NUDT9: variants seen among roughly 807,000 people sequenced by gnomAD.
The protein encoded by NUDT9 is ADP-ribose pyrophosphatase.
A neutral mutation model predicts 41.0 loss-of-function variants in NUDT9; 31 were observed. That is an observed-to-expected ratio of 0.76 (90% CI 0.57 to 1.02). The LOEUF (loss-of-function observed/expected upper bound fraction) is 1.02, where lower values mean the gene tolerates loss of function less well. Among genes scored for constraint, NUDT9 ranks in the 50% least tolerant of loss-of-function variants. NUDT9 has a pLI of 0.00. For missense variants in NUDT9, 380 were observed against 431.4 expected (o/e 0.88, Z 1.06); for synonymous variants, 146 against 147.6 (o/e 0.99, Z 0.08).
chr4:87,424,217 C>T lies in NUDT9; in HGVS notation c.107+1205C>T, dbSNP rs551881672. On this transcript the variant is annotated intron_variant, in intron 1 of 7. Coordinates refer to ENST00000302174, the MANE Select transcript of NUDT9 (RefSeq NM_024047.5). ...GACTTCAAGCTTGAAACCTCTAGCT[C>T]GGCTCAGCTTGTAGGAATAGCATTT... Among the ~76,000 whole-genome samples the T allele has an allele frequency of 3.5e-4, 52 of 147,964 alleles. 1 individual carries two copies. The South Asian group carries it at 9.4e-3, about 27-fold the overall frequency.
Position 87,457,995 on chromosome 4 carries a change from T to G in NUDT9, c.1027T>G (p.Ser343Ala). 6.4e-7 allele frequency: 1 copy of G among 1,562,820 alleles called. No individual in the cohort carries two copies. Among genetic ancestry groups the G allele is most frequent in the Non-Finnish European group, 8.6e-7 (1 of 1,160,412 alleles). The change falls in exon 8 of 8, where the codon TCT becomes GCT. Residue 343 changes from serine (S) to alanine (A), a missense_variant. By Grantham distance (99) the Ser-to-Ala change is moderately conservative. Transcript: ENST00000302174. Reference protein sequence around the residue: ...EKRDAHWSEDSEADCHAL With the variant: ...EKRDAHWSEDAEADCHAL ...ACGAGATGCACACTGGAGCGAGGAC[T>G]CTGAAGCTGACTGCCATGCGTTGTA...
chr4:87,438,091 CT>C (rs1722034636), intron 2 of NUDT9, among the ~76,000 whole-genome samples, 185 bp from the exon 3 acceptor site: 2 of 145,736 alleles, frequency 1.4e-5, no homozygotes. Context: ...TTGGTTAAAA[CT>C]TTTTTTTGCC....
At chr4:87,430,073 A>G (rs1307067438) in intron 1 of NUDT9, among the ~76,000 whole-genome samples, 3 of 152,054 alleles carry the variant, frequency 2.0e-5, no homozygotes, top group Non-Finnish European at 2.9e-5. Flanking sequence ...CGCCTGATTT[A>G]ATTGAGAGTC....
At chr4:87,434,612 C>T (rs1182694294) in intron 1 of NUDT9, among the ~76,000 whole-genome samples, 19 of 149,750 alleles carry the variant, frequency 1.3e-4, no homozygotes, top group African/African-American at 4.4e-4. Flanking sequence ...GTTTTTGGGT[C>T]TTTGAATTAG....
rs2110152212 is a variant in NUDT9, at chr4:87,422,928, A to G, written c.23A>G (p.Lys8Arg). Residue 8 changes from lysine (K) to arginine (R), a missense_variant, in exon 1 of 8, where the codon AAG becomes AGG. Lys to Arg is a conservative substitution (Grantham distance 26). Coordinates refer to ENST00000302174, the MANE Select transcript of NUDT9 (RefSeq NM_024047.5). MAGRLLG[K>R]ALAAVSLSLA... is the part of the protein sequence containing the mutation. ...CTCATGGCGGGACGCCTCCTGGGAA[A>G]GGCTTTAGCCGCGGTGTCTCTCTCT... 1 of 1,611,790 alleles carries G rather than the reference A, an allele frequency of 6.2e-7. No homozygotes were observed. The highest frequency in any genetic ancestry group is 1.1e-5 in the South Asian group (1 of 90,946).
intron 1 of NUDT9, 122 bp from the exon 2 acceptor site, chr4:87,434,859 T>C (rs1288217997): frequency 7.8e-6 from 6 of 767,316 alleles, no homozygotes; most frequent in African/African-American, 5.3e-5. Flanking sequence ...CCTCAGGTGA[T>C]CCACCTACCT....
Position 87,458,204 on chromosome 4 carries a change from A to T in NUDT9, c.*183A>T. The T allele has an allele frequency of 2.3e-6, 1 of 436,796 alleles. No individual in the cohort carries two copies. The highest frequency in any genetic ancestry group is 3.9e-6 in the Non-Finnish European group (1 of 257,004). The allele number at this position is 436,796 out of a possible 1,614,324, so 27.1% of individuals were successfully genotyped here. On this transcript the variant is annotated 3_prime_UTR_variant, in exon 8 of 8. Transcript: ENST00000302174. ...TGAGTAAGATGAACTGGAACACAAA[A>T]TTTTCAGCTCTTTGGTCAAAAGGAA...
At chr4:87,450,930 T>C (rs544633758) in intron 5 of NUDT9, among the ~76,000 whole-genome samples, 2 of 152,356 alleles carry the variant, frequency 1.3e-5, no homozygotes, top group South Asian at 4.1e-4. Context: ...CCTCTGTCTT[T>C]TGGTGCTCCC....
intron 4 of NUDT9, among the ~76,000 whole-genome samples, chr4:87,443,991 A>G (rs2110178905): frequency 6.6e-6 from 1 of 152,276 alleles, no homozygotes; most frequent in South Asian, 2.1e-4. Flanking sequence ...CATGAATCAG[A>G]ATTAAGAAGG....
chr4:87,437,595 G>A (rs988824496), intron 2 of NUDT9, among the ~76,000 whole-genome samples: 3 of 151,942 alleles, frequency 2.0e-5, no homozygotes, highest in Non-Finnish European at 2.9e-5. Context: ...GCCCACCTTG[G>A]CCTCCCAAAG....
chr4:87,447,705 G>T lies in NUDT9; in HGVS notation c.531-1437G>T, dbSNP rs1266747418. 2.6e-5 allele frequency among the ~76,000 whole-genome samples: 4 copies of T among 152,204 alleles called. No individual in the cohort carries two copies. The South Asian group carries it at 6.2e-4, about 24-fold the overall frequency. ...TTCAATTTAAAATATAAAATAAAAG[G>T]ATAGAGTTTTTTTTGTTTATCAAAT... On this transcript the variant is annotated intron_variant, in intron 4 of 7. Coordinates refer to ENST00000302174, the MANE Select transcript of NUDT9 (RefSeq NM_024047.5).
In NUDT9 at chr4:87,448,436, G is replaced by A. The variant is rs552334959; in HGVS notation, c.531-706G>A. On this transcript the variant is annotated intron_variant, in intron 4 of 7. Transcript: ENST00000302174. The stretch of plus-strand genomic sequence containing the variant: ...TGGGATTTCAGGTGTGAGTCACCAC[G>A]CCTGGCCCAAAGCAAATCTTACCAT... Among the ~76,000 whole-genome samples the A allele has an allele frequency of 7.9e-5, 12 of 152,046 alleles. No individual in the cohort carries two copies. In the South Asian group the frequency reaches 1.5e-3, roughly 18 times the overall value.
rs368510686 is a variant in NUDT9 at position 87,422,880 on chromosome 4, A to C, written c.-26A>C. 1 of 1,594,446 alleles carries C rather than the reference A, an allele frequency of 6.3e-7. No individual in the cohort carries two copies. The highest frequency in any genetic ancestry group is 1.1e-5 in the South Asian group (1 of 90,564). On this transcript the variant is annotated 5_prime_UTR_variant, in exon 1 of 8. Coordinates refer to ENST00000302174, the MANE Select transcript of NUDT9 (RefSeq NM_024047.5). ...AGGCACCAACTAAGAGCGACCTAGC[A>C]TCGCAAAGCCGCCCTCGGGGCGCTC...
At chr4:87,436,017 GCT>G (rs35132503) in intron 2 of NUDT9, among the ~76,000 whole-genome samples, 1 of 151,478 alleles carries the variant, frequency 6.6e-6, no homozygotes, top group East Asian at 1.9e-4. Flanking sequence ...TGAGACTGGT[GCT>G]CTCTCTCTCT....
At chr4:87,434,607 T>G (rs1327213625) in intron 1 of NUDT9, among the ~76,000 whole-genome samples, 1 of 151,882 alleles carries the variant, frequency 6.6e-6, no homozygotes, top group African/African-American at 2.4e-5. Context: ...AGTATGTTTT[T>G]GGGTCTTTGA....
chr4:87,435,952 T>A (rs1721913069), intron 2 of NUDT9, among the ~76,000 whole-genome samples: 1 of 151,934 alleles, frequency 6.6e-6, no homozygotes, highest in Admixed American at 6.6e-5. Flanking sequence ...GTGAGAAGAG[T>A]TGAGATCCAC....
rs1721209004 is a variant in NUDT9 at position 87,422,952 on chromosome 4, C to G, written c.47C>G (p.Ser16Cys). Residue 16 changes from serine (S) to cysteine (C), a missense_variant, in exon 1 of 8, where the codon TCT becomes TGT. Transcript: ENST00000302174. ...AAGGCTTTAGCCGCGGTGTCTCTCT[C>G]TCTGGCCTTGGCCTCTGTGACTATC... ...LGKALAAVSL[S>C]LALASVTIRS... The G allele has an allele frequency of 1.2e-6, 2 of 1,613,176 alleles. No homozygotes were observed. Among genetic ancestry groups the G allele is most frequent in the Middle Eastern group, 1.7e-4 (1 of 6,056 alleles).
chr4:87,428,151 C>T lies in NUDT9; in HGVS notation c.107+5139C>T, dbSNP rs1426133592. On this transcript the variant is annotated intron_variant, in intron 1 of 7. Coordinates refer to ENST00000302174, the MANE Select transcript of NUDT9 (RefSeq NM_024047.5). ...AACTTCTTTATTAGTTAGGTTTTCCCTCATTTTTGGGTGTTTTACCACACT... is the reference window on the plus strand; with the variant it reads ...AACTTCTTTATTAGTTAGGTTTTCCTTCATTTTTGGGTGTTTTACCACACT... 2.0e-5 allele frequency among the ~76,000 whole-genome samples: 3 copies of T among 152,088 alleles called. No individual in the cohort carries two copies. In the East Asian group the frequency reaches 5.8e-4, roughly 29 times the overall value.
chr4:87,453,586 T>C (rs1722852063), intron 6 of NUDT9, among the ~76,000 whole-genome samples: 2 of 151,870 alleles, frequency 1.3e-5, no homozygotes, highest in Admixed American at 1.3e-4. Flanking sequence ...TTCTCCACCA[T>C]GCCCAGCTAA....
Sources: allele counts gnomAD v4.1 joint callset (sites outside exome capture counted in the v4.1 genomes callset), GRCh38; gene constraint gnomAD v4.1.1; transcripts MANE v1.5; gene names NCBI Gene and HGNC (gene_info 2026-07-23, HGNC 2026-07-21).